PAPPA: variants seen among roughly 807,000 people sequenced by gnomAD.
The protein encoded by PAPPA is pappalysin-1.
A neutral mutation model predicts 164.0 loss-of-function variants in PAPPA; 60 were observed. That is an observed-to-expected ratio of 0.37 (90% CI 0.30 to 0.45). PAPPA has a LOEUF of 0.45. Among genes scored for constraint, PAPPA ranks in the 20% least tolerant of loss-of-function variants. The pLI is 1.00. For synonymous variants in PAPPA, 875 were observed against 814.1 expected (o/e 1.07, Z -1.27); for missense variants, 1,782 against 2,087.3 (o/e 0.85, Z 2.85).
chr9:116,228,581 A>AT (rs1472856974), intron 6 of PAPPA, among the ~76,000 whole-genome samples: 4 of 152,196 alleles, frequency 2.6e-5, no homozygotes, highest in African/African-American at 9.7e-5. Context: ...ACTGCACTTT[A>AT]TTTTTTAAAG....
intron 10 of PAPPA, among the ~76,000 whole-genome samples, chr9:116,330,798 C>T (rs1487571176): frequency 6.6e-6 from 1 of 152,056 alleles, no homozygotes; most frequent in African/African-American, 2.4e-5. Context: ...ATTGTTCAAC[C>T]CACTTTTCTG....
chr9:116,370,660 T>C (rs532829979), intron 19 of PAPPA, among the ~76,000 whole-genome samples: 32 of 152,346 alleles, frequency 2.1e-4, no homozygotes, highest in African/African-American at 7.7e-4. Context: ...CTTGCGAGCC[T>C]ATGCAAGCCA....
At chr9:116,228,656 CAAGAGGGATGTCTGGGAA>C (rs546319664) in intron 6 of PAPPA, among the ~76,000 whole-genome samples, 14 of 152,222 alleles carry the variant, frequency 9.2e-5, no homozygotes, top group African/African-American at 3.4e-4. Flanking sequence ...GAATGTAAAG[CAAGAGGGATGTCTGGGAA>C]AAGCCCTCAG....
At chr9:116,386,099 T>C (rs993174383) in intron 21 of PAPPA, among the ~76,000 whole-genome samples, 1 of 152,154 alleles carries the variant, frequency 6.6e-6, no homozygotes, top group African/African-American at 2.4e-5. Context: ...AAACTGTACA[T>C]GAAGTATGGA....
chr9:116,255,583 GA>G (rs1286456860), intron 7 of PAPPA, among the ~76,000 whole-genome samples: 2 of 151,950 alleles, frequency 1.3e-5, no homozygotes, highest in African/African-American at 4.8e-5. Flanking sequence ...GTAAACCCTG[GA>G]TCTAAATTTG....
At chr9:116,277,844 T>C (rs2118837839) in intron 9 of PAPPA, among the ~76,000 whole-genome samples, 1 of 152,200 alleles carries the variant, frequency 6.6e-6, no homozygotes, top group East Asian at 1.9e-4. Context: ...ACCCAGCTAC[T>C]TTTTGTAGAG....
intron 10 of PAPPA, among the ~76,000 whole-genome samples, chr9:116,312,151 C>T (rs1188769992): frequency 6.6e-6 from 1 of 152,144 alleles, no homozygotes; most frequent in Non-Finnish European, 1.5e-5. Flanking sequence ...TGGCCTACCC[C>T]TATCTCATTA....
At chr9:116,315,500 G>A (rs1845776925) in intron 10 of PAPPA, among the ~76,000 whole-genome samples, 2 of 152,164 alleles carry the variant, frequency 1.3e-5, no homozygotes, top group African/African-American at 4.8e-5. Context: ...ACAGCTTTGG[G>A]CAAAAAGTAG....
intron 4 of PAPPA, among the ~76,000 whole-genome samples, chr9:116,215,204 C>T (rs1564186742): frequency 1.3e-5 from 2 of 152,078 alleles, no homozygotes; most frequent in East Asian, 1.9e-4. Context: ...GTTGAATGTT[C>T]GGTGCCCAGC....
At chr9:116,297,326 C>T (rs1001341146) in intron 9 of PAPPA, among the ~76,000 whole-genome samples, 4 of 152,220 alleles carry the variant, frequency 2.6e-5, no homozygotes, top group African/African-American at 4.8e-5. Flanking sequence ...TTAGCTTTTA[C>T]AGTAACCGAT....
chr9:116,277,656 T>C (rs1163904619), intron 9 of PAPPA, among the ~76,000 whole-genome samples: 2 of 152,212 alleles, frequency 1.3e-5, no homozygotes, highest in Non-Finnish European at 2.9e-5. Context: ...ATTATTGTCA[T>C]AATTAATATT....
intron 9 of PAPPA, among the ~76,000 whole-genome samples, chr9:116,284,981 G>C (rs899688538): frequency 6.6e-6 from 1 of 151,902 alleles, no homozygotes; most frequent in Non-Finnish European, 1.5e-5. Context: ...CCATAGGTGA[G>C]AGCAAGTTTC....
At chr9:116,189,168 T>C (rs1323656183) in intron 2 of PAPPA, among the ~76,000 whole-genome samples, 2 of 152,160 alleles carry the variant, frequency 1.3e-5, no homozygotes, top group East Asian at 1.9e-4. Context: ...ATCAATACAT[T>C]TGGTGTAATA....
chr9:116,316,240 G>A (rs993617891), intron 10 of PAPPA: 2 of 152,244 alleles, frequency 1.3e-5, no homozygotes. Context: ...ATTCTGCAGT[G>A]GAAGATATTA....
intron 9 of PAPPA, among the ~76,000 whole-genome samples, chr9:116,273,326 TG>T (rs1845158926): frequency 6.6e-6 from 1 of 152,214 alleles, no homozygotes; most frequent in African/African-American, 2.4e-5. Flanking sequence ...ATAGCCAGCC[TG>T]CCCCCTGTAA....
intron 2 of PAPPA, among the ~76,000 whole-genome samples, chr9:116,197,603 T>C (rs2118653016): frequency 6.6e-6 from 1 of 152,356 alleles, no homozygotes; most frequent in South Asian, 2.1e-4. Context: ...TCATGCTTTC[T>C]AGCATCATTT....
At chr9:116,192,976 C>T (rs1844061306) in intron 2 of PAPPA, among the ~76,000 whole-genome samples, 1 of 152,104 alleles carries the variant, frequency 6.6e-6, no homozygotes, top group Non-Finnish European at 1.5e-5. Flanking sequence ...CTGGCACCCT[C>T]AAGTGAACTC....
At chr9:116,331,734 G>A (rs567550851) in intron 11 of PAPPA, among the ~76,000 whole-genome samples, 60 of 152,288 alleles carry the variant, frequency 3.9e-4, no homozygotes, top group Non-Finnish European at 7.1e-4. Context: ...CTTGTCACAT[G>A]GTATTACAGA....
intron 19 of PAPPA, among the ~76,000 whole-genome samples, chr9:116,372,315 C>T (rs1224799983): frequency 6.6e-6 from 1 of 151,620 alleles, no homozygotes; most frequent in Non-Finnish European, 1.5e-5. Flanking sequence ...GAAATGTGGG[C>T]CTCCTGTGGC....
Sources: allele counts gnomAD v4.1 joint callset (sites outside exome capture counted in the v4.1 genomes callset), GRCh38; gene constraint gnomAD v4.1.1; transcripts MANE v1.5; gene names NCBI Gene and HGNC (gene_info 2026-07-23, HGNC 2026-07-21).